ANKRD36B: variants seen among roughly 807,000 people sequenced by gnomAD.
The protein encoded by ANKRD36B is ankyrin repeat domain 36B, also known as ankyrin repeat domain-containing protein 36B.
A neutral mutation model predicts 135.7 loss-of-function variants in ANKRD36B; 37 were observed. The ratio of observed to expected loss-of-function variants is 0.27; its 90% CI spans 0.21 to 0.36. The LOEUF is 0.36. Among genes scored for constraint, ANKRD36B ranks in the 10% least tolerant of loss-of-function variants. ANKRD36B has a pLI of 1.00. For synonymous variants in ANKRD36B, 179 were observed against 348.1 expected, an observed-to-expected ratio of 0.51 and a Z score of 5.41; for missense variants, 549 against 1,037.1, an observed-to-expected ratio of 0.53 and a Z score of 6.46.
rs1311757427 is a variant in ANKRD36B, at chr2:97,537,880, A to G, written c.2089+288T>C. ...CCATAGAAACATGCTCTGAAATAAG[A>G]GCAAAATTATGCTGTCCCCGGATCC... On this transcript the variant is annotated intron_variant, in intron 32 of 43. Transcript: ENST00000359901. 5.2e-5 allele frequency among the ~76,000 whole-genome samples: 5 copies of G among 96,152 alleles called. 1 individual carries two copies. The highest frequency in any genetic ancestry group is 1.6e-4 in the African/African-American group (5 of 31,992). The allele number at this position is 96,152 out of a possible 152,430, so 63.1% of individuals were successfully genotyped here.
rs2104413242 is a variant in ANKRD36B, at chr2:97,527,069, C to T, written c.2266-3602G>A. ...ATACAGACAACGCCACAAAGATACC[C>T]CTCGAGAAGAGCAACTCCAAGACAC... is the stretch of plus-strand genomic sequence containing the variant. On this transcript the variant is annotated intron_variant, in intron 35 of 43. Transcript: ENST00000359901. Among the ~76,000 whole-genome samples the T allele has an allele frequency of 2.1e-5, 2 of 94,716 alleles. 1 individual carries two copies. The highest frequency in any genetic ancestry group is 0.01 in the Middle Eastern group (2 of 192). 62.1% of individuals were successfully genotyped at this position (94,716 alleles called of 152,430 possible). A position where few individuals can be genotyped will look rare whatever the true frequency, so the allele number is the denominator to read the frequency against.
intron 3 of ANKRD36B, among the ~76,000 whole-genome samples, chr2:97,582,385 A>G (rs1226170166): frequency 6.6e-6 from 1 of 151,738 alleles, no homozygotes; most frequent in Non-Finnish European, 1.5e-5. Flanking sequence ...ACTAAAATAT[A>G]TTATAAAACA....
chr2:97,559,898 A>T (rs201498685), intron 8 of ANKRD36B, among the ~76,000 whole-genome samples: 1 of 151,900 alleles, frequency 6.6e-6, no homozygotes, highest in African/African-American at 2.4e-5. Context: ...ATCCAAGAGT[A>T]AGCTCCTTGA....
At chr2:97,579,371 A>C (rs1412454798) in intron 4 of ANKRD36B, among the ~76,000 whole-genome samples, 1 of 140,220 alleles carries the variant, frequency 7.1e-6, no homozygotes, top group Non-Finnish European at 1.6e-5. Flanking sequence ...CCCTAGTCTG[A>C]TACTATACAT....
chr2:97,535,100 T>C (rs534678548), intron 34 of ANKRD36B, among the ~76,000 whole-genome samples: 1 of 96,722 alleles, frequency 1.0e-5, no homozygotes, highest in East Asian at 2.3e-4. Flanking sequence ...GTCAGTCCTT[T>C]GTGGGTGTGA....
rs1218128301 is a variant in ANKRD36B at position 97,534,241 on chromosome 2, G to A, written c.2192-1857C>T. 4.2e-5 allele frequency among the ~76,000 whole-genome samples: 4 copies of A among 94,132 alleles called. 2 individuals are homozygous for A. Among genetic ancestry groups the A allele is most frequent in the African/African-American group, 1.3e-4 (4 of 31,508 alleles). The allele number at this position is 94,132 out of a possible 152,430, so 61.8% of individuals were successfully genotyped here. A position where few individuals can be genotyped will look rare whatever the true frequency, so the allele number is the denominator to read the frequency against. ...AACTTTTTGTTTCTAAAATTAGTTCGATTTGATATACCATGCTAATCTCTA... is the reference window on the plus strand; with the variant it reads ...AACTTTTTGTTTCTAAAATTAGTTCAATTTGATATACCATGCTAATCTCTA... On this transcript the variant is annotated intron_variant, in intron 34 of 43. Transcript: ENST00000359901.
Position 97,589,816 on chromosome 2 carries a change from G to C in ANKRD36B, c.-131C>G, listed in dbSNP as rs879108528. 6.4e-4 allele frequency: 890 copies of C among 1,397,076 alleles called. 4 individuals are homozygous for C. Among genetic ancestry groups the C allele is most frequent in the East Asian group, 3.0e-3 (124 of 41,254 alleles). The allele number at this position is 1,397,076 out of a possible 1,614,324, so 86.5% of individuals were successfully genotyped here. On this transcript the variant is annotated 5_prime_UTR_variant, in exon 1 of 44. Transcript: ENST00000359901. ...AGCAACAACAGGCAAAGCAGTCTGT[G>C]CACGGACCTCCGCGCAGACTCTCAG...
chr2:97,528,374 T>C lies in ANKRD36B; in HGVS notation c.2265+3937A>G, dbSNP rs1350005738. Among the ~76,000 whole-genome samples the C allele has an allele frequency of 9.6e-5, 9 of 93,808 alleles. 2 individuals are homozygous for C. Among genetic ancestry groups the C allele is most frequent in the African/African-American group, 2.9e-4 (9 of 31,204 alleles). 61.5% of individuals were successfully genotyped at this position (93,808 alleles called of 152,430 possible). A position where few individuals can be genotyped will look rare whatever the true frequency, so the allele number is the denominator to read the frequency against. ...AACCAACGAGAACAAAGACACAACA[T>C]ACCAGAATCTCTGGGACACATTCAA... is the stretch of plus-strand genomic sequence containing the variant. On this transcript the variant is annotated intron_variant, in intron 35 of 43. Transcript: ENST00000359901.
intron 26 of ANKRD36B, among the ~76,000 whole-genome samples, chr2:97,542,999 T>C (rs2079220220): frequency 1.3e-5 from 2 of 150,904 alleles, no homozygotes; most frequent in Admixed American, 6.6e-5. Flanking sequence ...AGAATATTCA[T>C]TAAATACCTA....
Position 97,511,952 on chromosome 2 carries a change from TG to T in ANKRD36B, c.2905del (p.Gln969LysfsTer8). The T allele has an allele frequency of 7.9e-7, 1 of 1,272,024 alleles. No individual in the cohort carries two copies. The highest frequency in any genetic ancestry group is 1.1e-6 in the Non-Finnish European group (1 of 914,702). The allele number at this position is 1,272,024 out of a possible 1,614,324, so 78.8% of individuals were successfully genotyped here. ...TTTTAAGTATTTCTTTTCCAGGTTT[TG>T]GTTTTTTATTGTGTCTTTTTCCAGC... ...LRLEKDTIKN[Q>X]NLEKKYLKDF... On this transcript the variant is annotated frameshift_variant, in exon 39 of 44. Transcript: ENST00000359901. LOFTEE classifies it high-confidence loss of function.
rs1173778496 is a variant in ANKRD36B at position 97,524,775 on chromosome 2, G to GATGA, written c.2266-1312_2266-1309dup. 3 of 97,100 alleles carry GATGA rather than the reference G, an allele frequency of 3.1e-5. 1 individual carries two copies. Among genetic ancestry groups the GATGA allele is most frequent in the African/African-American group, 9.3e-5 (3 of 32,396 alleles). 6.0% of individuals were successfully genotyped at this position (97,100 alleles called of 1,614,324 possible). Reference sequence around the variant, plus strand: ...TGAAACTCTACTTTAACTTATTTGTGATGAATTTTAAAGTTTTTTTACCCT... The same window carrying GATGA: ...TGAAACTCTACTTTAACTTATTTGTGATGAATGAATTTTAAAGTTTTTTTACCCT... On this transcript the variant is annotated intron_variant, in intron 35 of 43. Coordinates refer to ENST00000359901, the MANE Select transcript of ANKRD36B (RefSeq NM_001393939.1).
Position 97,579,010 on chromosome 2 carries a change from T to G in ANKRD36B, c.591A>C (p.Glu197Asp). 1 of 1,611,780 alleles carries G rather than the reference T, an allele frequency of 6.2e-7. No individual in the cohort carries two copies. Among genetic ancestry groups the G allele is most frequent in the South Asian group, 1.1e-5 (1 of 90,846 alleles). ...GCAGAAGAAGAATGACTATATCTTT[T>G]TCTCCAAGAGTAACAGCAAGTATGA... Reference protein sequence around the residue: ...SALILAVTLGEKDIVILLLQH... With the variant: ...SALILAVTLGDKDIVILLLQH... The change falls in exon 5 of 44, where the codon GAA becomes GAC. Residue 197 changes from glutamate to aspartate, a missense_variant. Glu to Asp is a conservative substitution (Grantham distance 45). Coordinates refer to ENST00000359901, the MANE Select transcript of ANKRD36B (RefSeq NM_001393939.1).
chr2:97,585,567 G>A (rs3970378), intron 1 of ANKRD36B, among the ~76,000 whole-genome samples, 169 bp from the exon 2 acceptor site: 100 of 152,278 alleles, frequency 6.6e-4, no homozygotes, highest in African/African-American at 2.2e-3. Flanking sequence ...AATAGAAAAG[G>A]CTTGGCTTTT....
intron 43 of ANKRD36B, among the ~76,000 whole-genome samples, chr2:97,495,685 A>G (rs2077293510): frequency 1.1e-5 from 1 of 90,296 alleles, no homozygotes; most frequent in African/African-American, 2.7e-5. Context: ...ATACATTCAA[A>G]AATACAAAAT....
At chr2:97,554,986 C>A in intron 14 of ANKRD36B, 74 bp downstream of exon 14, 1 of 1,535,486 alleles carries the variant, frequency 6.5e-7, no homozygotes, top group Non-Finnish European at 8.9e-7. Flanking sequence ...AGCCCCCCCA[C>A]TGATTTATTT....
chr2:97,558,944 A>G (rs769890027), intron 9 of ANKRD36B, 22 bp downstream of exon 9: 2 of 1,605,454 alleles, frequency 1.2e-6, no homozygotes, highest in Non-Finnish European at 1.7e-6. Context: ...ATAGTTCAAC[A>G]TATAAATGAG....
intron 18 of ANKRD36B, 65 bp from the exon 19 acceptor site, chr2:97,549,679 T>A (rs1438317186): frequency 6.2e-7 from 1 of 1,601,104 alleles, no homozygotes; most frequent in Non-Finnish European, 8.5e-7. Flanking sequence ...CACACATTCA[T>A]GCAGTGTTAG....
chr2:97,534,022 C>T (rs1480268165), intron 34 of ANKRD36B, among the ~76,000 whole-genome samples: 1 of 88,414 alleles, frequency 1.1e-5, no homozygotes. Flanking sequence ...TGCCATTGCA[C>T]TCCAGGCTGG....
In ANKRD36B at chr2:97,555,159, A is replaced by C. The variant is rs755773524; in HGVS notation, c.1099-27T>G. 1.6e-5 allele frequency: 26 copies of C among 1,611,528 alleles called. No homozygotes were observed. In the South Asian group the frequency reaches 2.4e-4, roughly 15 times the overall value. ...TGAAAGTAATTTGAAGCAAATTATC[A>C]ATAAAGAAAGTATGTTTCATGGACT... On this transcript the variant is annotated intron_variant, in intron 13 of 43. Transcript: ENST00000359901.
Sources: allele counts gnomAD v4.1 joint callset (sites outside exome capture counted in the v4.1 genomes callset), GRCh38; gene constraint gnomAD v4.1.1; transcripts MANE v1.5; gene names NCBI Gene and HGNC (gene_info 2026-07-23, HGNC 2026-07-21).